The following CAMSAP1 variants were observed in gnomAD, a reference collection of about 807,000 sequenced individuals.
CAMSAP1 encodes the protein calmodulin regulated spectrin associated protein 1.
CAMSAP1 carries 58 observed loss-of-function variants against 143.5 expected under a neutral mutation model. The observed-to-expected ratio is 0.40, with a 90% CI of 0.33 to 0.50. CAMSAP1 has a LOEUF of 0.50. Ranked by LOEUF, CAMSAP1 falls within the 20% of genes least tolerant of loss-of-function variation. The probability of loss-of-function intolerance (pLI) is 0.45; values close to 1 mark genes in which losing one functional copy is unlikely to be tolerated. For synonymous variants in CAMSAP1, 945 were observed against 859.3 expected, an observed-to-expected ratio of 1.10 and a Z score of -1.74; for missense variants, 1,969 against 2,115.7, an observed-to-expected ratio of 0.93 and a Z score of 1.36.
At chr9:135,841,818 A>G (rs377289765) in intron 7 of CAMSAP1, among the ~76,000 whole-genome samples, 10 of 152,194 alleles carry the variant, frequency 6.6e-5, no homozygotes, top group African/African-American at 2.4e-4. Flanking sequence ...CAAAAAGGAC[A>G]TCCACACAAA....
rs1354037442 is a variant in CAMSAP1 at position 135,809,269 on chromosome 9, G to A, written c.*2040C>T. 6.6e-6 allele frequency: 1 copy of A among 152,200 alleles called. No individual in the cohort carries two copies. Among genetic ancestry groups the A allele is most frequent in the African/African-American group, 2.4e-5 (1 of 41,438 alleles). The allele number at this position is 152,200 out of a possible 1,614,324, so 9.4% of individuals were successfully genotyped here. On this transcript the variant is annotated 3_prime_UTR_variant, in exon 17 of 17. Transcript: ENST00000389532. ...ACTGGCCTGGGGACTTGGGACATCA[G>A]GAATGTCCATGCCACATTAGTGCTT...
chr9:135,831,328 T>C (rs1835853019), intron 7 of CAMSAP1, among the ~76,000 whole-genome samples: 1 of 151,942 alleles, frequency 6.6e-6, no homozygotes, highest in African/African-American at 2.4e-5. Context: ...ACTTGCATGA[T>C]GCAGTGTTAA....
Position 135,868,782 on chromosome 9 carries a change from A to T in CAMSAP1, c.586-2246T>A, listed in dbSNP as rs537119915. On this transcript the variant is annotated intron_variant, in intron 3 of 16. Transcript: ENST00000389532. Reference sequence around the variant, plus strand: ...CAGGCGCCCACCACCACGCCTGGCTAATTTTTTGTGTTTTTAGCAGAGACA... The same window carrying T: ...CAGGCGCCCACCACCACGCCTGGCTTATTTTTTGTGTTTTTAGCAGAGACA... Among the ~76,000 whole-genome samples, 179 of 151,950 alleles carry T rather than the reference A, an allele frequency of 1.2e-3. 2 individuals carry two copies. In the Middle Eastern group the frequency reaches 0.024, roughly 20 times the overall value.
rs987633207 is a variant in CAMSAP1 at position 135,905,217 on chromosome 9, A to C, written c.160+1783T>G. ...AACAAGGATTAAAGAGTGACCTGGT[A>C]CCGGAAGTGAAACTAGACGAACCCA... On this transcript the variant is annotated intron_variant, in intron 1 of 16. Coordinates refer to ENST00000389532, the MANE Select transcript of CAMSAP1 (RefSeq NM_015447.4). 2.6e-5 allele frequency among the ~76,000 whole-genome samples: 4 copies of C among 152,374 alleles called. No individual in the cohort carries two copies. In the East Asian group the frequency reaches 7.7e-4, roughly 29 times the overall value.
chr9:135,854,994 C>T (rs1836903469), intron 5 of CAMSAP1, among the ~76,000 whole-genome samples: 1 of 151,888 alleles, frequency 6.6e-6, no homozygotes, highest in Non-Finnish European at 1.5e-5. Flanking sequence ...TCATTTAGCT[C>T]CCACTTTTTT....
intron 1 of CAMSAP1, among the ~76,000 whole-genome samples, chr9:135,889,921 C>G (rs79831537): frequency 2.0e-5 from 3 of 152,292 alleles, no homozygotes; most frequent in Admixed American, 2.0e-4. Context: ...CCTGAGCTCA[C>G]GAAGAAATCT....
intron 1 of CAMSAP1, among the ~76,000 whole-genome samples, chr9:135,898,397 C>G (rs1838520403): frequency 6.6e-6 from 1 of 152,154 alleles, no homozygotes; most frequent in Non-Finnish European, 1.5e-5. Context: ...GTAATCCTAG[C>G]ACTTTGGGAG....
rs753577766 is a variant in CAMSAP1 at position 135,821,627 on chromosome 9, C to A, written c.3034G>T (p.Gly1012Trp). ...ISAALLEDTV[G>W]EVVDVNECDL... ...CATTCATTCACGTCGACAACCTCCCCAACAGTGTCCTCCAGGAGGGCAGCG... is the reference window on the plus strand; with the variant it reads ...CATTCATTCACGTCGACAACCTCCCAAACAGTGTCCTCCAGGAGGGCAGCG... Residue 1012 changes from glycine (G) to tryptophan (W), a missense_variant, in exon 11 of 17, where the codon GGG becomes TGG. Around this residue, in one of 4 missense-constraint regions of CAMSAP1, gnomAD observed 1,390 missense variants for 1,420.8 expected, o/e 0.98. Transcript: ENST00000389532. This position sits in a 1 kb window ranked among gnomAD's most constrained non-coding sequence, Gnocchi z 4.6. The A allele has an allele frequency of 3.1e-6, 5 of 1,613,912 alleles. No individual in the cohort carries two copies. The highest frequency in any genetic ancestry group is 4.2e-6 in the Non-Finnish European group (5 of 1,179,910).
Position 135,876,004 on chromosome 9 carries a change from A to G in CAMSAP1, c.585+5629T>C, listed in dbSNP as rs551732487. Among the ~76,000 whole-genome samples the G allele has an allele frequency of 1.5e-4, 23 of 152,292 alleles. No homozygotes were observed. In the South Asian group the frequency reaches 4.6e-3, roughly 30 times the overall value. The stretch of plus-strand genomic sequence containing the variant: ...ACAGTCTTGCTCTGTCACCCAGACT[A>G]GAGTGCAGTGGCATGATCTCAGCTC... On this transcript the variant is annotated intron_variant, in intron 3 of 16. Coordinates refer to ENST00000389532, the MANE Select transcript of CAMSAP1 (RefSeq NM_015447.4).
chr9:135,837,422 C>T (rs975747292), intron 7 of CAMSAP1, among the ~76,000 whole-genome samples: 3 of 149,978 alleles, frequency 2.0e-5, no homozygotes, highest in Non-Finnish European at 3.0e-5. Context: ...CGTCATCACG[C>T]GCTTTCTACC....
intron 7 of CAMSAP1, among the ~76,000 whole-genome samples, chr9:135,828,308 G>A (rs1422088973): frequency 2.0e-5 from 3 of 152,260 alleles, no homozygotes; most frequent in African/African-American, 4.8e-5. Context: ...GGGACCAGTG[G>A]GAGGGCACCC....
At chr9:135,833,429 T>C (rs1006076087) in intron 7 of CAMSAP1, among the ~76,000 whole-genome samples, 9 of 152,192 alleles carry the variant, frequency 5.9e-5, no homozygotes, top group Non-Finnish European at 1.0e-4. Context: ...CACTCCCTGA[T>C]TTCAAATTAT....
intron 7 of CAMSAP1, among the ~76,000 whole-genome samples, chr9:135,837,583 A>C (rs1418786870): frequency 1.4e-5 from 2 of 147,720 alleles, no homozygotes. Flanking sequence ...TACCGGTTCT[A>C]CAGACACATG....
intron 3 of CAMSAP1, among the ~76,000 whole-genome samples, chr9:135,874,385 T>C (rs960139869): frequency 1.3e-4 from 19 of 148,522 alleles, no homozygotes; most frequent in Admixed American, 4.7e-4. Context: ...GGCAGAAGGA[T>C]TGCTTGAGCC....
At position 135,821,994 on chromosome 9, in the gene CAMSAP1, G is replaced by A. The variant is rs141832786; in HGVS notation, c.2667C>T (p.Arg889=). 29 of 1,612,958 alleles carry A rather than the reference G, an allele frequency of 1.8e-5. No individual in the cohort carries two copies. In the African/African-American group the frequency reaches 3.7e-4, roughly 21 times the overall value. Residue 889 remains arginine (R), a synonymous_variant, in exon 11 of 17, where the codon CGC becomes CGT. Transcript: ENST00000389532. The surrounding 1 kb of genome is among the most constrained non-coding windows in gnomAD (Gnocchi z 4.6). ...VQLHMQLEEK[R]RAIEAQKKKM... ...TCTTCTTCTGGGCCTCGATGGCCCT[G>A]CGCTTCTCCTCCAGCTGCATGTGCA... is the stretch of plus-strand genomic sequence containing the variant.
At chr9:135,892,095 T>C (rs1349642053) in intron 1 of CAMSAP1, among the ~76,000 whole-genome samples, 1 of 152,158 alleles carries the variant, frequency 6.6e-6, no homozygotes, top group Non-Finnish European at 1.5e-5. Context: ...CAAAAAAGTA[T>C]ATGAATAAAT....
At chr9:135,834,112 C>G (rs780665160) in intron 7 of CAMSAP1, among the ~76,000 whole-genome samples, 47 of 152,150 alleles carry the variant, frequency 3.1e-4, no homozygotes, top group Non-Finnish European at 6.8e-4. Context: ...AATAAGGCAT[C>G]ACACACCTGT....
At chr9:135,880,673 G>C (rs147826588) in intron 3 of CAMSAP1, among the ~76,000 whole-genome samples, 1 of 152,196 alleles carries the variant, frequency 6.6e-6, no homozygotes. Context: ...GCATGTGCAA[G>C]CTAACTATCA....
intron 7 of CAMSAP1, among the ~76,000 whole-genome samples, chr9:135,832,439 GA>G (rs753943442): frequency 5.8e-4 from 89 of 152,304 alleles, no homozygotes; most frequent in Middle Eastern, 3.4e-3. Flanking sequence ...AACCATTTAT[GA>G]AAAGCCCACA....
Sources: allele counts gnomAD v4.1 joint callset (sites outside exome capture counted in the v4.1 genomes callset), GRCh38; gene constraint gnomAD v4.1.1; regional missense constraint gnomAD v4.1.1; non-coding constraint Gnocchi (gnomAD v3.1); transcripts MANE v1.5; gene names NCBI Gene and HGNC (gene_info 2026-07-23, HGNC 2026-07-21).